The following PRKCA variants were observed in gnomAD, a reference collection of about 807,000 sequenced individuals.
PRKCA encodes protein kinase C alpha type.
A neutral mutation model predicts 87.0 loss-of-function variants in PRKCA; 27 were observed. The ratio of observed to expected loss-of-function variants is 0.31; its 90% CI spans 0.23 to 0.43. The LOEUF is 0.43. PRKCA is among the 20% of genes least tolerant of loss of function. The pLI, the probability that PRKCA is intolerant of heterozygous loss-of-function variation, is 1.00. For missense variants in PRKCA, 518 were observed against 852.3 expected, an observed-to-expected ratio of 0.61 and a Z score of 4.88; for synonymous variants, 329 against 311.1, an observed-to-expected ratio of 1.06 and a Z score of -0.61.
chr17:66,366,875 C>T (rs1393938879), intron 2 of PRKCA, among the ~76,000 whole-genome samples: 1 of 152,138 alleles, frequency 6.6e-6, no homozygotes, highest in Non-Finnish European at 1.5e-5. Flanking sequence ...AAAAAAAGCA[C>T]TTCATAGTGA....
chr17:66,324,286 C>T (rs1905847242), intron 2 of PRKCA, among the ~76,000 whole-genome samples: 1 of 151,946 alleles, frequency 6.6e-6, no homozygotes. Flanking sequence ...CTTAGATACA[C>T]AAAATACTAA....
chr17:66,387,672 G>A (rs1910136806), intron 2 of PRKCA, among the ~76,000 whole-genome samples: 1 of 152,202 alleles, frequency 6.6e-6, no homozygotes, highest in South Asian at 2.1e-4. Context: ...GTGTGTCCCT[G>A]AAAGTCCCCT....
intron 5 of PRKCA, among the ~76,000 whole-genome samples, chr17:66,647,462 ATTC>A (rs1971484297): frequency 6.6e-6 from 1 of 152,196 alleles, no homozygotes; most frequent in Non-Finnish European, 1.5e-5. Context: ...TTTAGCTGGC[ATTC>A]TTTGTGTTTC....
intron 2 of PRKCA, among the ~76,000 whole-genome samples, chr17:66,387,954 TC>T (rs1279178371): frequency 1.3e-5 from 2 of 152,228 alleles, no homozygotes; most frequent in African/African-American, 4.8e-5. Context: ...TCCCAACTGT[TC>T]CTATTCAAGA....
chr17:66,681,214 G>A (rs1023130209), intron 5 of PRKCA, among the ~76,000 whole-genome samples: 8 of 152,146 alleles, frequency 5.3e-5, no homozygotes, highest in Admixed American at 1.3e-4. Flanking sequence ...GGGTGACAGA[G>A]GGAGACTCCA....
intron 3 of PRKCA, among the ~76,000 whole-genome samples, chr17:66,543,230 C>A (rs1305196246): frequency 6.6e-6 from 1 of 152,132 alleles, no homozygotes; most frequent in East Asian, 1.9e-4. Context: ...AAATGTAAGT[C>A]TGGGAGAGTT....
intron 3 of PRKCA, among the ~76,000 whole-genome samples, chr17:66,560,085 T>C (rs532176007): frequency 2.0e-5 from 3 of 152,262 alleles, no homozygotes; most frequent in African/African-American, 7.2e-5. Context: ...TCCTCAGAAG[T>C]GAGGATGTGT....
At chr17:66,656,106 G>A (rs1334467851) in intron 5 of PRKCA, among the ~76,000 whole-genome samples, 1 of 152,196 alleles carries the variant, frequency 6.6e-6, no homozygotes, top group Non-Finnish European at 1.5e-5. Flanking sequence ...CTAGATGTGC[G>A]TGGGAGGCAG....
At chr17:66,324,545 A>G (rs1905866150) in intron 2 of PRKCA, among the ~76,000 whole-genome samples, 1 of 151,746 alleles carries the variant, frequency 6.6e-6, no homozygotes, top group Non-Finnish European at 1.5e-5. Flanking sequence ...CCTGGGAGGC[A>G]GAGGTTGCAG....
At chr17:66,326,873 TCAAA>T (rs1457706667) in intron 2 of PRKCA, among the ~76,000 whole-genome samples, 1 of 152,192 alleles carries the variant, frequency 6.6e-6, no homozygotes, top group Non-Finnish European at 1.5e-5. Context: ...GAAAGTGACA[TCAAA>T]CAGTACCTTT....
At chr17:66,308,530 T>C (rs1179791376) in intron 2 of PRKCA, among the ~76,000 whole-genome samples, 1 of 152,204 alleles carries the variant, frequency 6.6e-6, no homozygotes, top group African/African-American at 2.4e-5. Flanking sequence ...TTCTTTGCTT[T>C]GGTGAAGAAT....
chr17:66,332,882 G>C (rs879461258), intron 2 of PRKCA, among the ~76,000 whole-genome samples: 16 of 151,830 alleles, frequency 1.1e-4, no homozygotes, highest in Admixed American at 3.3e-4. Context: ...TAGTAGAGAC[G>C]GGGTTTCACC....
chr17:66,584,348 A>G (rs1003455139), intron 3 of PRKCA, among the ~76,000 whole-genome samples: 6 of 151,940 alleles, frequency 3.9e-5, no homozygotes, highest in African/African-American at 1.5e-4. Context: ...CAGCCTCCCA[A>G]GTAGCTGGGA....
At chr17:66,554,587 G>A (rs200308393) in intron 3 of PRKCA, 1 of 416,420 alleles carries the variant, frequency 2.4e-6, no homozygotes, top group Non-Finnish European at 2.8e-6. Flanking sequence ...AAGGTAAGGT[G>A]GGTGACCTGT....
At chr17:66,532,366 A>AT (rs1007856270) in intron 3 of PRKCA, among the ~76,000 whole-genome samples, 3 of 99,232 alleles carry the variant, frequency 3.0e-5, no homozygotes, top group East Asian at 3.2e-4. Context: ...ATTTTATTTT[A>AT]TTTTTTTATT....
intron 2 of PRKCA, among the ~76,000 whole-genome samples, chr17:66,418,239 CG>C (rs1912275088): frequency 6.6e-6 from 1 of 151,950 alleles, no homozygotes; most frequent in South Asian, 2.1e-4. Context: ...TGTGTGTGCG[CG>C]TATGTGTATA....
At chr17:66,473,742 C>G (rs1226852115) in intron 2 of PRKCA, among the ~76,000 whole-genome samples, 3 of 152,146 alleles carry the variant, frequency 2.0e-5, no homozygotes, top group African/African-American at 7.2e-5. Context: ...CAAGACCAGC[C>G]TGACCAACAT....
intron 2 of PRKCA, among the ~76,000 whole-genome samples, chr17:66,329,923 T>TCG (rs1906223398): frequency 6.6e-6 from 1 of 152,148 alleles, no homozygotes; most frequent in South Asian, 2.1e-4. Flanking sequence ...ATGGTGTGAA[T>TCG]CGTGTTCTCT....
intron 3 of PRKCA, among the ~76,000 whole-genome samples, chr17:66,520,632 G>C (rs1967131492): frequency 6.6e-6 from 1 of 151,882 alleles, no homozygotes; most frequent in Non-Finnish European, 1.5e-5. Flanking sequence ...ACTTATCAAA[G>C]GTAATGCAGT....
Sources: allele counts gnomAD v4.1 joint callset (sites outside exome capture counted in the v4.1 genomes callset), GRCh38; gene constraint gnomAD v4.1.1; transcripts MANE v1.5; gene names NCBI Gene and HGNC (gene_info 2026-07-23, HGNC 2026-07-21).